TRAPPC9: variants seen among roughly 807,000 people sequenced by gnomAD.
TRAPPC9 encodes IKK2 binding protein.
TRAPPC9 carries 83 observed loss-of-function variants against 124.0 expected under a neutral mutation model. That is an observed-to-expected ratio of 0.67 (90% confidence interval 0.56 to 0.80). TRAPPC9 has a LOEUF of 0.80. Ranked by LOEUF, TRAPPC9 falls within the 30% of genes least tolerant of loss-of-function variation. The probability of loss-of-function intolerance (pLI) is 0.00; values close to 1 mark genes in which losing one functional copy is unlikely to be tolerated. For synonymous variants in TRAPPC9, 638 were observed against 617.5 expected (o/e 1.03, Z -0.49); for missense variants, 1,302 against 1,508.3 (o/e 0.86, Z 2.27).
intron 9 of TRAPPC9, among the ~76,000 whole-genome samples, chr8:140,321,189 C>T (rs559592217): frequency 1.3e-5 from 2 of 152,350 alleles, no homozygotes; most frequent in African/African-American, 4.8e-5. Context: ...GAGAAGCCGG[C>T]AGAGCGCTCC....
intron 5 of TRAPPC9, 116 bp from the exon 6 acceptor site, chr8:140,405,814 TG>T: frequency 3.3e-6 from 4 of 1,206,534 alleles, no homozygotes; most frequent in Non-Finnish European, 4.8e-6. Flanking sequence ...ATTTAAATAA[TG>T]TAAGTGTTTA....
intron 17 of TRAPPC9, among the ~76,000 whole-genome samples, chr8:140,129,526 C>T (rs544569790): frequency 7.2e-5 from 11 of 152,168 alleles, no homozygotes; most frequent in African/African-American, 2.4e-4. Context: ...CGGGGTGAGC[C>T]GGCACGGGGG....
intron 21 of TRAPPC9, among the ~76,000 whole-genome samples, chr8:139,849,689 G>A (rs2130924533): frequency 6.6e-6 from 1 of 152,344 alleles, no homozygotes; most frequent in African/African-American, 2.4e-5. Flanking sequence ...TTCTGAGCGT[G>A]TCCACACTAG....
At chr8:139,987,984 C>T (rs1382747475) in intron 19 of TRAPPC9, among the ~76,000 whole-genome samples, 1 of 152,020 alleles carries the variant, frequency 6.6e-6, no homozygotes, top group Non-Finnish European at 1.5e-5. Context: ...AGAGACTGGG[C>T]TTGGGTGACT....
At chr8:139,937,397 T>C (rs1311825905) in intron 19 of TRAPPC9, among the ~76,000 whole-genome samples, 3 of 152,182 alleles carry the variant, frequency 2.0e-5, no homozygotes, top group Non-Finnish European at 4.4e-5. Context: ...TTCCTTCTTT[T>C]CTAAAATGAA....
chr8:140,041,542 A>AAGGCCT (rs1408777710), intron 17 of TRAPPC9, among the ~76,000 whole-genome samples: 2 of 152,254 alleles, frequency 1.3e-5, no homozygotes, highest in African/African-American at 4.8e-5. Context: ...ACTCAAGGCC[A>AAGGCCT]AGGCCTGTGT....
At chr8:139,770,289 A>G (rs1159043360) in intron 21 of TRAPPC9, among the ~76,000 whole-genome samples, 2 of 152,264 alleles carry the variant, frequency 1.3e-5, no homozygotes, top group East Asian at 1.9e-4. Flanking sequence ...CTGGGCTGGG[A>G]CCTCGACCTG....
At chr8:139,839,264 G>A (rs1826569140) in intron 21 of TRAPPC9, among the ~76,000 whole-genome samples, 2 of 152,210 alleles carry the variant, frequency 1.3e-5, no homozygotes, top group Admixed American at 1.3e-4. Flanking sequence ...ACATTCTCAG[G>A]GGATGTGAGC....
chr8:140,219,799 A>G (rs544079720), intron 17 of TRAPPC9, among the ~76,000 whole-genome samples: 2 of 152,210 alleles, frequency 1.3e-5, no homozygotes, highest in Non-Finnish European at 2.9e-5. Context: ...ACAAGCCCTC[A>G]CACGTTCAGG....
At chr8:139,836,881 C>T (rs569290636) in intron 21 of TRAPPC9, among the ~76,000 whole-genome samples, 61 of 152,218 alleles carry the variant, frequency 4.0e-4, no homozygotes, top group Non-Finnish European at 6.8e-4. Context: ...ACCCCATCAC[C>T]TCCAGGGAGG....
At position 139,825,767 on chromosome 8, in the gene TRAPPC9, C is replaced by T. The variant is rs1825581510; in HGVS notation, c.3055+60112G>A. ...CCGGAAGGAAAAAGGGAGGCAATTC[C>T]GAAGAGCAGACGAGCCTCCGAGACA... On this transcript the variant is annotated intron_variant, in intron 21 of 22. Coordinates refer to ENST00000438773, the MANE Select transcript of TRAPPC9 (RefSeq NM_001160372.4). This position sits in a 1 kb window ranked among gnomAD's most constrained non-coding sequence, Gnocchi z 4.6. 6.6e-6 allele frequency among the ~76,000 whole-genome samples: 1 copy of T among 151,972 alleles called. No homozygotes were observed. The highest frequency in any genetic ancestry group is 2.1e-4 in the South Asian group (1 of 4,806).
intron 19 of TRAPPC9, among the ~76,000 whole-genome samples, chr8:139,985,232 C>T (rs1484472635): frequency 2.0e-5 from 3 of 152,168 alleles, no homozygotes; most frequent in African/African-American, 4.8e-5. Context: ...CCTCACATTG[C>T]CAAGAATGAG....
intron 1 of TRAPPC9, among the ~76,000 whole-genome samples, chr8:140,457,176 C>G (rs1437147812): frequency 2.0e-5 from 3 of 152,196 alleles, no homozygotes; most frequent in Non-Finnish European, 4.4e-5. Context: ...GCCCCAGGCC[C>G]CAGCCGCGCG....
intron 17 of TRAPPC9, among the ~76,000 whole-genome samples, chr8:140,197,885 G>C (rs1412822615): frequency 6.6e-6 from 1 of 152,166 alleles, no homozygotes; most frequent in African/African-American, 2.4e-5. Flanking sequence ...CAGATGAACT[G>C]TCCCCTGCTA....
Position 140,224,566 on chromosome 8 carries a change from G to A in TRAPPC9, c.2432-2983C>T, listed in dbSNP as rs540796355. On this transcript the variant is annotated intron_variant, in intron 16 of 22. Coordinates refer to ENST00000438773, the MANE Select transcript of TRAPPC9 (RefSeq NM_001160372.4). ...AGGGCCACAAAGCAAAGGGTAGACCGTAAATAAAGCAGCCCTCACTGGGCC... is the reference window on the plus strand; with the variant it reads ...AGGGCCACAAAGCAAAGGGTAGACCATAAATAAAGCAGCCCTCACTGGGCC... Among the ~76,000 whole-genome samples, 5 of 152,176 alleles carry A rather than the reference G, an allele frequency of 3.3e-5. No individual in the cohort carries two copies. The East Asian group carries it at 5.8e-4, about 18-fold the overall frequency.
At chr8:140,065,481 T>C (rs1307581314) in intron 17 of TRAPPC9, among the ~76,000 whole-genome samples, 4 of 152,230 alleles carry the variant, frequency 2.6e-5, no homozygotes, top group Admixed American at 2.0e-4. Context: ...CAGAAGTCAA[T>C]GCCTGGCTTC....
intron 17 of TRAPPC9, among the ~76,000 whole-genome samples, chr8:140,148,881 G>A (rs1252922176): frequency 6.6e-6 from 1 of 152,100 alleles, no homozygotes; most frequent in Non-Finnish European, 1.5e-5. Flanking sequence ...ATTTGTTGTT[G>A]TAATCTGTTC....
At chr8:140,256,287 C>T (rs546173459) in intron 15 of TRAPPC9, among the ~76,000 whole-genome samples, 13 of 152,348 alleles carry the variant, frequency 8.5e-5, no homozygotes, top group African/African-American at 3.1e-4. Flanking sequence ...GAACAAAGAT[C>T]TGTCTCCAAA....
At chr8:140,301,540 G>C (rs531863141) in intron 10 of TRAPPC9, among the ~76,000 whole-genome samples, 2 of 152,312 alleles carry the variant, frequency 1.3e-5, no homozygotes, top group East Asian at 3.9e-4. Context: ...GTACTAGAAG[G>C]TGCTGTCACC....
Sources: allele counts gnomAD v4.1 joint callset (sites outside exome capture counted in the v4.1 genomes callset), GRCh38; gene constraint gnomAD v4.1.1; non-coding constraint Gnocchi (gnomAD v3.1); transcripts MANE v1.5; gene names NCBI Gene and HGNC (gene_info 2026-07-23, HGNC 2026-07-21).